The following PCDHGA11 variants were observed in gnomAD, a reference collection of about 807,000 sequenced individuals.
PCDHGA11 encodes the protein protocadherin gamma-A11.
A neutral mutation model predicts 60.4 loss-of-function variants in PCDHGA11; 39 were observed. That is an observed-to-expected ratio of 0.65 (90% CI 0.50 to 0.84). PCDHGA11 has a LOEUF of 0.84. Ranked by LOEUF, PCDHGA11 falls within the 40% of genes least tolerant of loss-of-function variation. The probability of loss-of-function intolerance (pLI) is 0.00; values close to 1 mark genes in which losing one functional copy is unlikely to be tolerated. For synonymous variants in PCDHGA11, 533 were observed against 510.3 expected, an observed-to-expected ratio of 1.04 and a Z score of -0.60; for missense variants, 1,165 against 1,197.7, an observed-to-expected ratio of 0.97 and a Z score of 0.40.
At chr5:141,459,108 A>G (rs1240280274) in intron 1 of PCDHGA11, among the ~76,000 whole-genome samples, 1 of 152,216 alleles carries the variant, frequency 6.6e-6, no homozygotes, top group Non-Finnish European at 1.5e-5. Flanking sequence ...ATGCATTTTG[A>G]CAATTGTTTA....
In PCDHGA11 at chr5:141,472,816, G is replaced by A. The variant is rs1186234004; in HGVS notation, c.2434-21991G>A. On this transcript the variant is annotated intron_variant, in intron 1 of 3. Transcript: ENST00000398587. ...GCCTGACCAACATGGAGAAACCCCC[G>A]TCTCTACTAAAAATAGAAAATTAGC... 4.6e-5 allele frequency among the ~76,000 whole-genome samples: 7 copies of A among 151,374 alleles called. No individual in the cohort carries two copies. In the South Asian group the frequency reaches 6.2e-4, roughly 14 times the overall value.
At chr5:141,478,870 G>A (rs1463992722) in intron 1 of PCDHGA11, 6 of 1,273,242 alleles carry the variant, frequency 4.7e-6, no homozygotes, top group Non-Finnish European at 5.2e-6. Flanking sequence ...AGCGATCAGA[G>A]TTTAGCTTGG....
intron 1 of PCDHGA11, among the ~76,000 whole-genome samples, chr5:141,481,710 T>C (rs1447483213): frequency 6.6e-6 from 1 of 151,556 alleles, no homozygotes; most frequent in Non-Finnish European, 1.5e-5. Context: ...TCCCAGCACT[T>C]TGGGAGGCGG....
At chr5:141,458,891 G>A (rs775720263) in intron 1 of PCDHGA11, among the ~76,000 whole-genome samples, 10 of 151,976 alleles carry the variant, frequency 6.6e-5, no homozygotes, top group South Asian at 2.1e-4. Context: ...CACACCATGC[G>A]CAGCTAATTT....
intron 1 of PCDHGA11, chr5:141,427,650 G>A (rs1352503291): frequency 1.4e-6 from 1 of 718,312 alleles, no homozygotes; most frequent in Admixed American, 2.0e-5. Flanking sequence ...AGTCTCCTAC[G>A]TGGTCCACGT....
chr5:141,433,289 G>A, intron 1 of PCDHGA11: 1 of 1,130,682 alleles, frequency 8.8e-7, no homozygotes, highest in Non-Finnish European at 1.3e-6. Flanking sequence ...AAACTCCTAG[G>A]CTCAAGCAAT....
At chr5:141,457,929 C>T (rs1207409757) in intron 1 of PCDHGA11, among the ~76,000 whole-genome samples, 2 of 152,194 alleles carry the variant, frequency 1.3e-5, no homozygotes, top group Non-Finnish European at 2.9e-5. Context: ...CCCCAAGGGG[C>T]TTTTATTGGC....
intron 1 of PCDHGA11, among the ~76,000 whole-genome samples, chr5:141,448,434 G>A (rs2098588755): frequency 1.3e-5 from 2 of 152,052 alleles, no homozygotes; most frequent in Non-Finnish European, 2.9e-5. Context: ...TATATATTGA[G>A]AAGTCTGACT....
rs1333951046 is a variant in PCDHGA11, at chr5:141,485,847, C to T, written c.2434-8960C>T. 10 of 1,614,092 alleles carry T rather than the reference C, an allele frequency of 6.2e-6. No individual in the cohort carries two copies. In the African/African-American group the frequency reaches 8.0e-5, roughly 13 times the overall value. On this transcript the variant is annotated intron_variant, in intron 1 of 3. Transcript: ENST00000398587. This position sits in a 1 kb window ranked among gnomAD's most constrained non-coding sequence, Gnocchi z 5.7. ...GGAGGGAACCCGCCGAGATCTGGCA[C>T]CGCAGAGCTCCGGGTATCCGTGCTG...
Position 141,423,531 on chromosome 5 carries a change from C to T in PCDHGA11, c.2304C>T (p.His768=). Residue 768 remains histidine (H), a synonymous_variant, in exon 1 of 4, where the codon CAC becomes CAT. Coordinates refer to ENST00000398587, the MANE Select transcript of PCDHGA11 (RefSeq NM_018914.3). ...VSLIADSQKS[H]LIFPQPNYGD... is the part of the protein sequence containing the mutation. ...TCATTGCGGACTCGCAGAAGAGTCACCTGATTTTCCCCCAGCCCAACTATG... is the reference window on the plus strand; with the variant it reads ...TCATTGCGGACTCGCAGAAGAGTCATCTGATTTTCCCCCAGCCCAACTATG... The T allele has an allele frequency of 6.2e-7, 1 of 1,613,736 alleles. No individual in the cohort carries two copies. The highest frequency in any genetic ancestry group is 1.1e-5 in the South Asian group (1 of 91,058).
intron 1 of PCDHGA11, among the ~76,000 whole-genome samples, chr5:141,437,976 T>G (rs1182220385): frequency 1.3e-5 from 2 of 152,096 alleles, no homozygotes; most frequent in Non-Finnish European, 2.9e-5. Flanking sequence ...GATCTTGGGA[T>G]GCACCCACCC....
In PCDHGA11 at chr5:141,487,218, C is replaced by T; in HGVS notation, c.2434-7589C>T. The T allele has an allele frequency of 6.2e-7, 1 of 1,613,938 alleles. No individual in the cohort carries two copies. The highest frequency in any genetic ancestry group is 1.3e-5 in the African/African-American group (1 of 75,024). On this transcript the variant is annotated intron_variant, in intron 1 of 3. Coordinates refer to ENST00000398587, the MANE Select transcript of PCDHGA11 (RefSeq NM_018914.3). The surrounding 1 kb of genome is among the most constrained non-coding windows in gnomAD (Gnocchi z 5.0). ...CCAGATCTTCGAGAATCTTCAGCTCCAAGGGAAGGAGAATCTCGTCTAACC... is the reference window on the plus strand; with the variant it reads ...CCAGATCTTCGAGAATCTTCAGCTCTAAGGGAAGGAGAATCTCGTCTAACC...
At position 141,489,733 on chromosome 5, in the gene PCDHGA11, A is replaced by C; in HGVS notation, c.2434-5074A>C. ...TGCCCAGGATCCGGATGTGGGCACC[A>C]ATACTGTGAGCTTTTACACTCTAAG... On this transcript the variant is annotated intron_variant, in intron 1 of 3. Coordinates refer to ENST00000398587, the MANE Select transcript of PCDHGA11 (RefSeq NM_018914.3). This position sits in a 1 kb window ranked among gnomAD's most constrained non-coding sequence, Gnocchi z 4.5. 1 of 1,614,168 alleles carries C rather than the reference A, an allele frequency of 6.2e-7. No individual in the cohort carries two copies. The highest frequency in any genetic ancestry group is 1.1e-5 in the South Asian group (1 of 91,078).
At chr5:141,464,604 G>A (rs1445968596) in intron 1 of PCDHGA11, among the ~76,000 whole-genome samples, 1 of 152,106 alleles carries the variant, frequency 6.6e-6, no homozygotes, top group East Asian at 1.9e-4. Context: ...AGTCTCCTTT[G>A]CAGAGTATAT....
At chr5:141,460,724 A>C (rs1294708205) in intron 1 of PCDHGA11, among the ~76,000 whole-genome samples, 1 of 152,114 alleles carries the variant, frequency 6.6e-6, no homozygotes, top group African/African-American at 2.4e-5. Context: ...TGTTATAAGC[A>C]TATATACACA....
chr5:141,475,248 C>T (rs1400887912), intron 1 of PCDHGA11, among the ~76,000 whole-genome samples: 2 of 152,166 alleles, frequency 1.3e-5, no homozygotes, highest in African/African-American at 4.8e-5. Context: ...AGAGTGTGCT[C>T]TACAACTGAG....
intron 1 of PCDHGA11, among the ~76,000 whole-genome samples, chr5:141,462,035 C>G (rs35674654): frequency 2.0e-5 from 3 of 152,076 alleles, no homozygotes; most frequent in Non-Finnish European, 4.4e-5. Context: ...GTTGGTCAGG[C>G]GGGTCTTGAA....
rs1178268746 is a variant in PCDHGA11 at position 141,421,220 on chromosome 5, A to G, written c.-8A>G. 1.3e-6 allele frequency: 2 copies of G among 1,575,620 alleles called. No individual in the cohort carries two copies. Among genetic ancestry groups the G allele is most frequent in the Non-Finnish European group, 1.7e-6 (2 of 1,163,384 alleles). ...GAGAAACCGCGGAATATCGGCTTAG[A>G]GCCTGCCATGGCGAATCGGCTACAG... On this transcript the variant is annotated 5_prime_UTR_variant, in exon 1 of 4. Transcript: ENST00000398587.
chr5:141,431,681 G>A lies in PCDHGA11; in HGVS notation c.2433+8021G>A. The A allele has an allele frequency of 6.2e-7, 1 of 1,614,214 alleles. No homozygotes were observed. The highest frequency in any genetic ancestry group is 1.1e-5 in the South Asian group (1 of 91,086). ...GACAATATCAACAATAGGGGAGTTG[G>A]ACCACGAGGAGTCAGGATTCTACCA... On this transcript the variant is annotated intron_variant, in intron 1 of 3. Coordinates refer to ENST00000398587, the MANE Select transcript of PCDHGA11 (RefSeq NM_018914.3). This position sits in a 1 kb window ranked among gnomAD's most constrained non-coding sequence, Gnocchi z 4.8.
Sources: gnomAD v4.1 joint callset for allele counts (sites outside exome capture counted in the v4.1 genomes callset) on GRCh38, gnomAD v4.1.1 for gene constraint, Gnocchi (gnomAD v3.1) non-coding constraint, MANE v1.5 for transcripts, NCBI Gene and HGNC (gene_info 2026-07-23, HGNC 2026-07-21) for gene names.